Variants in PRSS23 observed in about 807,000 individuals in gnomAD.
The protein encoded by PRSS23 is serine protease 23.
PRSS23 carries 25 observed loss-of-function variants against 34.7 expected under a neutral mutation model. The observed-to-expected ratio is 0.72, with a 90% confidence interval of 0.53 to 1.01. The LOEUF (loss-of-function observed/expected upper bound fraction) is 1.01. PRSS23 is among the 50% of genes least tolerant of loss of function. The pLI is 0.00. For missense variants in PRSS23, 445 were observed against 475.6 expected (o/e 0.94, Z 0.60); for synonymous variants, 176 against 186.6 (o/e 0.94, Z 0.46).
chr11:86,887,968 C>T (rs980586919), intron 2 of PRSS23, among the ~76,000 whole-genome samples: 23 of 151,944 alleles, frequency 1.5e-4, no homozygotes, highest in African/African-American at 5.1e-4. Context: ...AGGATAATTG[C>T]TTGAATCTGG....
At chr11:86,884,837 T>C (rs1376737510) in intron 2 of PRSS23, among the ~76,000 whole-genome samples, 2 of 152,322 alleles carry the variant, frequency 1.3e-5, no homozygotes, top group East Asian at 1.9e-4. Flanking sequence ...TGAATGGTGT[T>C]GCCTTAGCTC....
At chr11:86,887,412 A>C (rs1436270258) in intron 2 of PRSS23, among the ~76,000 whole-genome samples, 13 of 106,680 alleles carry the variant, frequency 1.2e-4, no homozygotes, top group African/African-American at 3.2e-4. Flanking sequence ...ACAAAACAAA[A>C]CAAAAAAAAA....
intron 2 of PRSS23, among the ~76,000 whole-genome samples, chr11:86,823,958 A>G (rs1211115186): frequency 7.6e-6 from 1 of 130,764 alleles, no homozygotes; most frequent in Non-Finnish European, 1.6e-5. Flanking sequence ...GTGAGCCGAG[A>G]TCGCGCCACT....
At chr11:86,826,690 T>A (rs957788463) in intron 2 of PRSS23, among the ~76,000 whole-genome samples, 9 of 152,108 alleles carry the variant, frequency 5.9e-5, no homozygotes, top group African/African-American at 2.2e-4. Context: ...TTATTGAGAG[T>A]TTTTAGCATG....
At chr11:86,949,871 A>G (rs905779981) in intron 2 of PRSS23, 1 of 152,680 alleles carries the variant, frequency 6.5e-6, no homozygotes, top group Admixed American at 6.5e-5. Context: ...GCCTTTGCCA[A>G]TTACTAGGAA....
Position 86,861,291 on chromosome 11 carries a change from G to T in PRSS23, c.206+37698G>T, listed in dbSNP as rs573069674. On this transcript the variant is annotated intron_variant, in intron 2 of 2. Transcript: ENST00000533902. ...GGGGTGTCCACCCCCCTGTGATATG[G>T]TTTGTAATATCCGGGGGCGGAGAGG... Among the ~76,000 whole-genome samples, 7 of 143,906 alleles carry T rather than the reference G, an allele frequency of 4.9e-5. No homozygotes were observed. The South Asian group carries it at 1.6e-3, about 33-fold the overall frequency. The allele number at this position is 143,906 out of a possible 152,430, so 94.4% of individuals were successfully genotyped here. A position where few individuals can be genotyped will look rare whatever the true frequency, so the allele number is the denominator to read the frequency against.
At chr11:86,871,252 G>T (rs1195410744) in intron 2 of PRSS23, among the ~76,000 whole-genome samples, 1 of 151,976 alleles carries the variant, frequency 6.6e-6, no homozygotes, top group African/African-American at 2.4e-5. Context: ...TCTAAAATGT[G>T]GTCTTTTTAA....
intron 2 of PRSS23, among the ~76,000 whole-genome samples, chr11:86,905,399 C>T (rs998131675): frequency 6.6e-5 from 10 of 152,172 alleles, no homozygotes; most frequent in East Asian, 3.8e-4. Flanking sequence ...GCTCTTCCTA[C>T]GGCACATCAT....
chr11:86,847,678 C>T (rs1391788863), intron 2 of PRSS23, among the ~76,000 whole-genome samples: 1 of 152,112 alleles, frequency 6.6e-6, no homozygotes, highest in Non-Finnish European at 1.5e-5. Flanking sequence ...ACCCTGAAAC[C>T]TTAAAAAAGA....
At chr11:86,839,350 C>A (rs773878061) in intron 2 of PRSS23, among the ~76,000 whole-genome samples, 2 of 150,414 alleles carry the variant, frequency 1.3e-5, no homozygotes, top group Non-Finnish European at 1.5e-5. Context: ...ATGATGCATG[C>A]GTTATCAGTG....
intron 2 of PRSS23, chr11:86,934,505 T>C (rs1439956846): frequency 6.6e-6 from 1 of 152,130 alleles, no homozygotes; most frequent in Non-Finnish European, 1.5e-5. Flanking sequence ...ACAAAAACAT[T>C]TGTTTGTCTT....
chr11:86,837,552 A>G (rs1041738811), intron 2 of PRSS23: 2 of 152,198 alleles, frequency 1.3e-5, no homozygotes, highest in Non-Finnish European at 2.9e-5. Flanking sequence ...GTGGATCACA[A>G]GGTCAGGAGA....
At chr11:86,829,575 A>G (rs1386429918) in intron 2 of PRSS23, among the ~76,000 whole-genome samples, 1 of 151,948 alleles carries the variant, frequency 6.6e-6, no homozygotes, top group Non-Finnish European at 1.5e-5. Flanking sequence ...TGCTTTTTAG[A>G]GTTTCCAGTT....
intron 2 of PRSS23, among the ~76,000 whole-genome samples, chr11:86,889,657 T>C (rs1948828074): frequency 6.6e-6 from 1 of 152,232 alleles, no homozygotes; most frequent in Admixed American, 6.5e-5. Context: ...CATTGTGGAT[T>C]ATGGTTCAAC....
chr11:86,884,166 C>A (rs952519674), intron 2 of PRSS23, among the ~76,000 whole-genome samples: 3 of 152,174 alleles, frequency 2.0e-5, no homozygotes, highest in Non-Finnish European at 4.4e-5. Flanking sequence ...TCTTTACCAA[C>A]ACTACTCTAT....
rs35087518 is a variant in PRSS23, at chr11:86,914,042, TA to T, written c.207-37155del. Among the ~76,000 whole-genome samples, 47 of 114,880 alleles carry T rather than the reference TA, an allele frequency of 4.1e-4. 1 individual carries two copies. The highest frequency in any genetic ancestry group is 1.3e-3 in the African/African-American group (37 of 28,112). The allele number at this position is 114,880 out of a possible 152,430, so 75.4% of individuals were successfully genotyped here. ...GAATGTGGTGAAACACCATCTCTAC[TA>T]AAAAAAAAAAAAAAAAAACCTCAAA... On this transcript the variant is annotated intron_variant, in intron 2 of 2. Coordinates refer to the PRSS23 transcript ENST00000533902.
At chr11:86,804,311 G>A (rs750646620) in intron 1 of PRSS23, among the ~76,000 whole-genome samples, 1 of 152,168 alleles carries the variant, frequency 6.6e-6, no homozygotes, top group Non-Finnish European at 1.5e-5. Flanking sequence ...GAAGTAATTT[G>A]ATGGGCATTA....
At chr11:86,922,778 C>G (rs1379926950) in intron 2 of PRSS23, among the ~76,000 whole-genome samples, 1 of 152,202 alleles carries the variant, frequency 6.6e-6, no homozygotes, top group Non-Finnish European at 1.5e-5. Context: ...CCAGAGCTGT[C>G]TGCCTATTAC....
At chr11:86,799,256 A>G (rs1452107999), upstream of PRSS23, among the ~76,000 whole-genome samples, 1 of 149,818 alleles carries the variant, frequency 6.7e-6, no homozygotes, top group African/African-American at 2.4e-5. Flanking sequence ...AAAATAAAAT[A>G]AAAGAAAAGA....
Sources: allele counts gnomAD v4.1 joint callset (sites outside exome capture counted in the v4.1 genomes callset), GRCh38; gene constraint gnomAD v4.1.1; transcripts MANE v1.5; gene names NCBI Gene and HGNC (gene_info 2026-07-23, HGNC 2026-07-21).